Variants in TLE6 observed in about 807,000 individuals in gnomAD.
TLE6 encodes TLE family member 6, subcortical maternal complex member.
Under a neutral mutation model 77.1 loss-of-function variants are expected in TLE6, and 72 were observed. The observed-to-expected ratio is 0.93, with a 90% CI of 0.77 to 1.14. The LOEUF is 1.14. Ranked by LOEUF, TLE6 falls within the 50% of genes most tolerant of loss-of-function variation. The pLI, the probability that TLE6 is intolerant of heterozygous loss-of-function variation, is 0.00. For missense variants in TLE6, 843 were observed against 747.6 expected (o/e 1.13, Z -1.49); for synonymous variants, 366 against 287.3 (o/e 1.27, Z -2.77).
intron 16 of TLE6, among the ~76,000 whole-genome samples, 196 bp from the exon 17 acceptor site, chr19:2,994,704 T>G (rs542968269): frequency 2.0e-5 from 3 of 152,184 alleles, no homozygotes; most frequent in African/African-American, 7.2e-5. Context: ...CTTGGGAGGC[T>G]GAGGCAGGAA....
chr19:2,982,107 C>T (rs1405904789), intron 4 of TLE6, 41 bp from the exon 5 acceptor site: 1 of 1,550,778 alleles, frequency 6.4e-7, no homozygotes, highest in Non-Finnish European at 8.7e-7. Context: ...GCATTCACAC[C>T]CGGACCACCT....
At chr19:2,990,660 AATAT>A (rs1568217217) in intron 13 of TLE6, among the ~76,000 whole-genome samples, 10,078 of 141,724 alleles carry the variant, frequency 0.071, 429 homozygotes, top group African/African-American at 0.11. Flanking sequence ...TAAATACATA[AATAT>A]ATACATAAAT....
chr19:2,987,748 T>A lies in TLE6; in HGVS notation c.583T>A (p.Ser195Thr). The stretch of plus-strand genomic sequence containing the variant: ...GGGGCAGGAAAGCAAGGCACCAGGA[T>A]CCTGTGACCCAGGAACAGACCCATG... ...GLGQESKAPG[S>T]CDPGTDPCPE... The change falls in exon 9 of 17, where the codon TCC becomes ACC. Residue 195 changes from serine (S) to threonine (T), a missense_variant. Coordinates refer to ENST00000246112, the MANE Select transcript of TLE6 (RefSeq NM_001143986.2). The A allele has an allele frequency of 6.2e-7, 1 of 1,614,094 alleles. No homozygotes were observed. Among genetic ancestry groups the A allele is most frequent in the South Asian group, 1.1e-5 (1 of 91,086 alleles).
chr19:2,989,051 C>A lies in TLE6; in HGVS notation c.741-10C>A. 1 of 1,610,574 alleles carries A rather than the reference C, an allele frequency of 6.2e-7. No individual in the cohort carries two copies. The highest frequency in any genetic ancestry group is 1.1e-5 in the South Asian group (1 of 91,034). On this transcript the variant is annotated splice_polypyrimidine_tract_variant and intron_variant, in intron 11 of 16. Coordinates refer to ENST00000246112, the MANE Select transcript of TLE6 (RefSeq NM_001143986.2). ...AGCAGGTCAGTTACCCCAAGGCCTC[C>A]CCTCCCAAGATCCTGGGACCCTGAG...
rs765488816 is a variant in TLE6 at position 2,989,325 on chromosome 19, C to T, written c.993+12C>T. The T allele has an allele frequency of 1.2e-6, 2 of 1,610,660 alleles. No homozygotes were observed. The highest frequency in any genetic ancestry group is 2.7e-5 in the African/African-American group (2 of 74,892). ...ACCTGCCTATACAGGTGAGGACGGCCTTGGTTTCCAGGGATGCAGGGCTTC... is the reference window on the plus strand; with the variant it reads ...ACCTGCCTATACAGGTGAGGACGGCTTTGGTTTCCAGGGATGCAGGGCTTC... On this transcript the variant is annotated intron_variant, in intron 12 of 16. Coordinates refer to ENST00000246112, the MANE Select transcript of TLE6 (RefSeq NM_001143986.2).
At chr19:2,994,526 C>G (rs1032954580) in intron 16 of TLE6, among the ~76,000 whole-genome samples, 1 of 151,930 alleles carries the variant, frequency 6.6e-6, no homozygotes, top group Non-Finnish European at 1.5e-5. Context: ...AGGAGAATGG[C>G]GTGAGCCAGG....
Position 2,995,054 on chromosome 19 carries a change from C to CT in TLE6, c.*52dup, listed in dbSNP as rs780906999. 15 of 1,051,794 alleles carry CT rather than the reference C, an allele frequency of 1.4e-5. No individual in the cohort carries two copies. In the African/African-American group the frequency reaches 1.5e-4, roughly 11 times the overall value. 65.2% of individuals were successfully genotyped at this position (1,051,794 alleles called of 1,614,324 possible). ...TCCGGCTCCTCTTTTCATCCCCCCC[C>CT]TTCCCCCCCCCCAACAAGGGGGACA... On this transcript the variant is annotated 3_prime_UTR_variant, in exon 17 of 17. Transcript: ENST00000246112.
rs547031586 is a variant in TLE6, at chr19:2,986,071, C to CAAAA, written c.223-722_223-719dup. Among the ~76,000 whole-genome samples, 61 of 41,270 alleles carry CAAAA rather than the reference C, an allele frequency of 1.5e-3. 5 individuals are homozygous for CAAAA. The highest frequency in any genetic ancestry group is 2.5e-3 in the East Asian group (2 of 802). The allele number at this position is 41,270 out of a possible 152,430, so 27.1% of individuals were successfully genotyped here. The stretch of plus-strand genomic sequence containing the variant: ...CCTGGGCCACAGCGTGAGACTGTCT[C>CAAAA]AAAAAAAAAAAAAAAAAAAAAAAAA... On this transcript the variant is annotated intron_variant, in intron 5 of 16. Transcript: ENST00000246112.
At chr19:2,987,582 A>C (rs1435053970) in intron 8 of TLE6, 142 bp from the exon 9 acceptor site, 5 of 1,126,834 alleles carry the variant, frequency 4.4e-6, no homozygotes, top group Non-Finnish European at 5.3e-6. Flanking sequence ...CTATACCCTG[A>C]CTCTCTCTCT....
intron 5 of TLE6, among the ~76,000 whole-genome samples, chr19:2,983,090 G>C (rs1459026513): frequency 6.6e-6 from 1 of 152,188 alleles, no homozygotes; most frequent in East Asian, 1.9e-4. Context: ...GCCTGTGCCA[G>C]ATGTAACTGG....
Position 2,980,025 on chromosome 19 carries a change from T to TA in TLE6, c.52-75_52-74insA, listed in dbSNP as rs139424546. 8,175 of 1,073,202 alleles carry TA rather than the reference T, an allele frequency of 7.6e-3. 430 individuals are homozygous for TA. The African/African-American group carries it at 0.11, about 15-fold the overall frequency. 66.5% of individuals were successfully genotyped at this position (1,073,202 alleles called of 1,614,324 possible). A position where few individuals can be genotyped will look rare whatever the true frequency, so the allele number is the denominator to read the frequency against. On this transcript the variant is annotated intron_variant, in intron 2 of 16. Coordinates refer to ENST00000246112, the MANE Select transcript of TLE6 (RefSeq NM_001143986.2). ...TTGCACCAACCTAATGCCTATGCCA[T>TA]GTTGAGGTGGAGACCGGGGGTCTTG...
intron 14 of TLE6, 66 bp downstream of exon 14, chr19:2,992,050 T>C: frequency 6.3e-7 from 1 of 1,584,098 alleles, no homozygotes; most frequent in Non-Finnish European, 8.6e-7. Context: ...AAAAATGAGG[T>C]TGAGGCCGGG....
At chr19:2,993,049 A>AAG (rs1319624350) in intron 14 of TLE6, among the ~76,000 whole-genome samples, 1 of 150,504 alleles carries the variant, frequency 6.6e-6, no homozygotes, top group Non-Finnish European at 1.5e-5. Context: ...AAAAAAAAAA[A>AAG]AAAACAGAAT....
chr19:2,985,743 TGTG>T (rs969145547), intron 5 of TLE6, among the ~76,000 whole-genome samples: 2 of 148,378 alleles, frequency 1.3e-5, no homozygotes, highest in African/African-American at 2.5e-5. Context: ...TGAAGCAAAG[TGTG>T]GTGGTGGTCA....
Position 2,987,809 on chromosome 19 carries a change from G to T in TLE6, c.625+19G>T. On this transcript the variant is annotated intron_variant, in intron 9 of 16. Transcript: ENST00000246112. ...GCCTCCAGTAATCCCAGCGGGCAGG[G>T]GCCGACCGACTCCAGGCGGGATGGG... 6.2e-7 allele frequency: 1 copy of T among 1,614,102 alleles called. No homozygotes were observed. Among genetic ancestry groups the T allele is most frequent in the Non-Finnish European group, 8.5e-7 (1 of 1,179,998 alleles).
chr19:2,989,478 C>G (rs922928485), intron 12 of TLE6, 57 bp from the exon 13 acceptor site: 3 of 1,579,746 alleles, frequency 1.9e-6, no homozygotes, highest in Non-Finnish European at 2.6e-6. Context: ...TGAGGCAAAG[C>G]AGTCCAGGCA....
chr19:2,980,697 A>AT (rs1311021656), intron 3 of TLE6, among the ~76,000 whole-genome samples: 2 of 148,148 alleles, frequency 1.3e-5, no homozygotes, highest in Non-Finnish European at 3.0e-5. Flanking sequence ...GGATCACACC[A>AT]TTACACTCAA....
At chr19:2,993,721 T>G in intron 15 of TLE6, 139 bp downstream of exon 15, 1 of 1,126,166 alleles carries the variant, frequency 8.9e-7, no homozygotes, top group Non-Finnish European at 1.2e-6. Flanking sequence ...TTGGGGATGC[T>G]CTTATAGTGG....
intron 2 of TLE6, among the ~76,000 whole-genome samples, chr19:2,979,564 T>C (rs1423844192): frequency 6.6e-6 from 1 of 151,934 alleles, no homozygotes; most frequent in African/African-American, 2.4e-5. Context: ...TTTAAAAATA[T>C]TTTGTGCTTC....
Sources: allele counts gnomAD v4.1 joint callset (sites outside exome capture counted in the v4.1 genomes callset), GRCh38; gene constraint gnomAD v4.1.1; transcripts MANE v1.5; gene names NCBI Gene and HGNC (gene_info 2026-07-23, HGNC 2026-07-21).